FKBP9: variants seen among roughly 807,000 people sequenced by gnomAD.
FKBP9 encodes the protein FKBP prolyl isomerase 9.
FKBP9 carries 27 observed loss-of-function variants against 55.6 expected under a neutral mutation model. The ratio of observed to expected loss-of-function variants is 0.49; its 90% confidence interval spans 0.36 to 0.67. FKBP9 has a LOEUF of 0.67. Among genes scored for constraint, FKBP9 ranks in the 30% least tolerant of loss-of-function variants. FKBP9 has a pLI of 0.00. For missense variants in FKBP9, 539 were observed against 742.8 expected (o/e 0.73, Z 3.19); for synonymous variants, 267 against 296.5 (o/e 0.90, Z 1.02).
Position 32,980,485 on chromosome 7 carries a change from T to A in FKBP9, c.825T>A (p.Ser275Arg), listed in dbSNP as rs765523602. 7 of 1,613,720 alleles carry A rather than the reference T, an allele frequency of 4.3e-6. No homozygotes were observed. The highest frequency in any genetic ancestry group is 4.2e-6 in the Non-Finnish European group (5 of 1,179,852). ...KVVPENCERI[S>R]QSGDFLRYHY... ...TACCTGAAAACTGTGAGCGGATAAG[T>A]CAAAGTGGGGACTTTCTCAGGTATC... The change falls in exon 5 of 10, where the codon AGT becomes AGA. Residue 275 changes from serine to arginine, a missense_variant. Transcript: ENST00000242209.
At chr7:32,969,191 T>C (rs1046971494) in intron 1 of FKBP9, among the ~76,000 whole-genome samples, 1 of 152,072 alleles carries the variant, frequency 6.6e-6, no homozygotes, top group Non-Finnish European at 1.5e-5. Context: ...ATTTTTTAGG[T>C]TGCCTTTTTA....
At chr7:32,979,385 G>A (rs1436007879) in intron 4 of FKBP9, 8 of 704,584 alleles carry the variant, frequency 1.1e-5, no homozygotes, top group African/African-American at 1.8e-5. Context: ...TATCTCCCAC[G>A]CATGCGATTT....
At chr7:33,002,083 ACTC>A (rs1247209999) in intron 8 of FKBP9, 1 of 151,630 alleles carries the variant, frequency 6.6e-6, no homozygotes, top group Non-Finnish European at 1.5e-5. Flanking sequence ...TAAAATTTAA[ACTC>A]AAGTTTCATG....
intron 1 of FKBP9, among the ~76,000 whole-genome samples, chr7:32,969,830 C>A (rs1392639557): frequency 2.6e-5 from 4 of 151,962 alleles, no homozygotes; most frequent in African/African-American, 9.7e-5. Context: ...TGGTGAAGCC[C>A]TGTCTCTACT....
chr7:32,965,815 ATAT>A (rs1562562940), intron 1 of FKBP9, among the ~76,000 whole-genome samples: 75 of 6,464 alleles, frequency 0.012, 1 homozygote, highest in Admixed American at 0.027. Flanking sequence ...AAAAAAAAAT[ATAT>A]ATATATATAT....
Position 32,976,380 on chromosome 7 carries a change from C to G in FKBP9, c.584C>G (p.Thr195Arg). 1 of 1,613,840 alleles carries G rather than the reference C, an allele frequency of 6.2e-7. No homozygotes were observed. Among genetic ancestry groups the G allele is most frequent in the Non-Finnish European group, 8.5e-7 (1 of 1,179,850 alleles). The change falls in exon 4 of 10, where the codon ACG becomes AGG. Residue 195 changes from threonine to arginine, a missense_variant. Coordinates refer to ENST00000242209, the MANE Select transcript of FKBP9 (RefSeq NM_007270.5). ...SSHNRMKTYDTYVGIGWLIPG... is the reference protein window; with the variant it reads ...SSHNRMKTYDRYVGIGWLIPG... The stretch of plus-strand genomic sequence containing the variant: ...CACAATCGCATGAAAACATATGACA[C>G]GTATGTGGGAATTGGCTGGCTGATT...
chr7:33,002,312 T>A lies in FKBP9; in HGVS notation c.1373-364T>A, dbSNP rs535599857. On this transcript the variant is annotated intron_variant, in intron 8 of 9. Coordinates refer to ENST00000242209, the MANE Select transcript of FKBP9 (RefSeq NM_007270.5). ...CCACACCAGCTAATTTTTGTATTTT[T>A]TGTAGAGATGGAGTTTCACCATGTT... Among the ~76,000 whole-genome samples the A allele has an allele frequency of 2.0e-5, 3 of 152,266 alleles. No individual in the cohort carries two copies. The East Asian group carries it at 5.8e-4, about 29-fold the overall frequency.
chr7:32,963,766 A>G (rs1784075490), intron 1 of FKBP9: 4 of 1,281,924 alleles, frequency 3.1e-6, no homozygotes, highest in African/African-American at 3.1e-5. Context: ...CTAGAAAAAG[A>G]GTGCTCCAAT....
At chr7:32,980,756 G>A (rs1422096314) in intron 5 of FKBP9, among the ~76,000 whole-genome samples, 1 of 151,562 alleles carries the variant, frequency 6.6e-6, no homozygotes, top group African/African-American at 2.4e-5. Flanking sequence ...TTGAGACGGG[G>A]TCTCGTTCTG....
Position 33,004,587 on chromosome 7 carries a change from T to C in FKBP9, c.1537-588T>C, listed in dbSNP as rs533199304. 2.6e-5 allele frequency among the ~76,000 whole-genome samples: 4 copies of C among 152,318 alleles called. No individual in the cohort carries two copies. The East Asian group carries it at 7.7e-4, about 29-fold the overall frequency. On this transcript the variant is annotated intron_variant, in intron 9 of 9. Coordinates refer to ENST00000242209, the MANE Select transcript of FKBP9 (RefSeq NM_007270.5). ...CTCCTTAAAGTTTTATCCTGACCAC[T>C]GAATTCAACACTTCATCCCTTTCTC...
chr7:32,968,069 T>A (rs1463740454), intron 1 of FKBP9, among the ~76,000 whole-genome samples: 5 of 152,170 alleles, frequency 3.3e-5, no homozygotes, highest in Admixed American at 6.5e-5. Flanking sequence ...CAGAGTCTTT[T>A]GTTCTGTTGC....
chr7:32,984,142 A>G (rs1359514836), intron 5 of FKBP9, among the ~76,000 whole-genome samples: 3 of 151,928 alleles, frequency 2.0e-5, no homozygotes, highest in Non-Finnish European at 4.4e-5. Context: ...TAGAGTATAT[A>G]AATGTTTGCC....
At chr7:32,972,210 G>A (rs1028337343) in intron 1 of FKBP9, among the ~76,000 whole-genome samples, 2 of 152,166 alleles carry the variant, frequency 1.3e-5, no homozygotes, top group South Asian at 2.1e-4. Context: ...GGGCCCCGGA[G>A]GTAGAGGGTG....
At chr7:32,958,646 G>C (rs1029641343) in intron 1 of FKBP9, among the ~76,000 whole-genome samples, 44 of 152,094 alleles carry the variant, frequency 2.9e-4, no homozygotes, top group African/African-American at 1.1e-3. Context: ...GGGAGACAGA[G>C]AGAGATCCCA....
intron 1 of FKBP9, among the ~76,000 whole-genome samples, chr7:32,961,538 AATAAATAGT>A (rs1784024671): frequency 6.6e-6 from 1 of 152,198 alleles, no homozygotes; most frequent in Non-Finnish European, 1.5e-5. Flanking sequence ...TACAAAAATA[AATAAATAGT>A]AAATAAATAA....
At chr7:32,999,442 A>G (rs1302041267) in intron 7 of FKBP9, among the ~76,000 whole-genome samples, 1 of 149,794 alleles carries the variant, frequency 6.7e-6, no homozygotes, top group South Asian at 2.1e-4. Flanking sequence ...CCTGAGGCCC[A>G]TGGCCATCAA....
chr7:32,981,755 C>T (rs1301980346), intron 5 of FKBP9, among the ~76,000 whole-genome samples: 2 of 151,876 alleles, frequency 1.3e-5, no homozygotes, highest in South Asian at 4.2e-4. Flanking sequence ...ATTAGCCAGG[C>T]GTGCACTGGC....
intron 5 of FKBP9, among the ~76,000 whole-genome samples, chr7:32,987,354 G>C (rs1360988043): frequency 6.6e-6 from 1 of 151,912 alleles, no homozygotes; most frequent in African/African-American, 2.4e-5. Context: ...AAATGAGCCA[G>C]GCATGGTATT....
intron 1 of FKBP9, among the ~76,000 whole-genome samples, chr7:32,973,777 G>C (rs1166369116): frequency 2.7e-5 from 1 of 37,176 alleles, no homozygotes. Context: ...TGCAACCTCC[G>C]CCTCCCGAGT....
Sources: allele counts gnomAD v4.1 joint callset (sites outside exome capture counted in the v4.1 genomes callset), GRCh38; gene constraint gnomAD v4.1.1; transcripts MANE v1.5; gene names NCBI Gene and HGNC (gene_info 2026-07-23, HGNC 2026-07-21).